ZNF536: variants seen among roughly 807,000 people sequenced by gnomAD.
ZNF536 encodes zinc finger protein 536.
A neutral mutation model predicts 84.5 loss-of-function variants in ZNF536; 13 were observed. That is an observed-to-expected ratio of 0.15 (90% CI 0.10 to 0.24). ZNF536 has a LOEUF of 0.24. Ranked by LOEUF, ZNF536 falls within the 10% of genes least tolerant of loss-of-function variation. The pLI, the probability that ZNF536 is intolerant of heterozygous loss-of-function variation, is 1.00. For synonymous variants in ZNF536, 811 were observed against 742.5 expected (o/e 1.09, Z -1.50); for missense variants, 1,536 against 1,747.5 (o/e 0.88, Z 2.16).
intron 1 of ZNF536, among the ~76,000 whole-genome samples, chr19:30,638,734 T>G (rs1300765063): frequency 6.6e-6 from 1 of 152,202 alleles, no homozygotes; most frequent in East Asian, 1.9e-4. Flanking sequence ...AGAATTTGTC[T>G]GGGCTTCTGA....
chr19:30,421,182 G>A (rs2050941039), intron 1 of ZNF536, among the ~76,000 whole-genome samples: 1 of 152,176 alleles, frequency 6.6e-6, no homozygotes, highest in Non-Finnish European at 1.5e-5. Flanking sequence ...TGCAGAGAAG[G>A]GAGAAGTCGG....
At chr19:30,285,592 C>T (rs573457106) in intron 2 of ZNF536, among the ~76,000 whole-genome samples, 22 of 152,172 alleles carry the variant, frequency 1.4e-4, no homozygotes, top group Non-Finnish European at 2.2e-4. Flanking sequence ...GAGGTATAGC[C>T]GAGCCAGTGG....
At chr19:30,549,657 G>T (rs145111625) in intron 4 of ZNF536, 143 bp downstream of exon 4, 1 of 929,042 alleles carries the variant, frequency 1.1e-6, no homozygotes, top group Non-Finnish European at 1.5e-6. Context: ...TATCTGCAAT[G>T]TAGACAATCA....
At chr19:30,396,023 G>T (rs1297747043) in intron 1 of ZNF536, among the ~76,000 whole-genome samples, 1 of 152,102 alleles carries the variant, frequency 6.6e-6, no homozygotes, top group Admixed American at 6.5e-5. Context: ...TGCACTTGGC[G>T]TACATTCTGT....
intron 2 of ZNF536, among the ~76,000 whole-genome samples, chr19:30,530,616 G>C (rs1000656877): frequency 1.3e-5 from 2 of 152,112 alleles, no homozygotes; most frequent in Admixed American, 6.5e-5. Context: ...CAAAGTTCTG[G>C]GATTACAGGT....
intron 3 of ZNF536, among the ~76,000 whole-genome samples, chr19:30,542,333 C>CT (rs1568533193): frequency 1.3e-5 from 2 of 151,936 alleles, no homozygotes; most frequent in Non-Finnish European, 2.9e-5. Context: ...AAATAGGTAC[C>CT]GTGAACTAAT....
At chr19:30,305,217 G>A (rs1223190503) in intron 2 of ZNF536, among the ~76,000 whole-genome samples, 1 of 152,188 alleles carries the variant, frequency 6.6e-6, no homozygotes, top group African/African-American at 2.4e-5. Flanking sequence ...CTCATATAGA[G>A]TTTGGGCTAG....
chr19:30,326,201 A>G (rs2047017776), intron 2 of ZNF536, among the ~76,000 whole-genome samples: 1 of 152,202 alleles, frequency 6.6e-6, no homozygotes, highest in Admixed American at 6.5e-5. Flanking sequence ...GGCTTGGCAA[A>G]GAGGGCCGTC....
At chr19:30,675,195 G>T (rs544128650) in intron 1 of ZNF536, among the ~76,000 whole-genome samples, 1 of 152,156 alleles carries the variant, frequency 6.6e-6, no homozygotes, top group African/African-American at 2.4e-5. Flanking sequence ...GGCTTTGGGG[G>T]CCATTAGACA....
At position 30,301,741 on chromosome 19, in the gene ZNF536, C is replaced by T. The variant is rs141229672; in HGVS notation, c.-120+17600C>T. 5.9e-5 allele frequency among the ~76,000 whole-genome samples: 9 copies of T among 152,108 alleles called. No individual in the cohort carries two copies. In the East Asian group the frequency reaches 1.7e-3, roughly 29 times the overall value. The stretch of plus-strand genomic sequence containing the variant: ...TTTCGATTAAATTTTTTATTATGCA[C>T]TCTGCATTTGGATTGACAACTATTA... On this transcript the variant is annotated intron_variant, in intron 2 of 5. Coordinates refer to the ZNF536 transcript ENST00000585628.
intron 1 of ZNF536, among the ~76,000 whole-genome samples, chr19:30,407,285 G>A (rs1386588504): frequency 6.6e-6 from 1 of 152,158 alleles, no homozygotes; most frequent in African/African-American, 2.4e-5. Flanking sequence ...TACATAATGA[G>A]CTGATTTCAA....
Position 30,557,405 on chromosome 19 carries a change from C to T in ZNF536, c.*241C>T, listed in dbSNP as rs917882951. 8 of 395,168 alleles carry T rather than the reference C, an allele frequency of 2.0e-5. No individual in the cohort carries two copies. The East Asian group carries it at 3.1e-4, about 15-fold the overall frequency. 24.5% of individuals were successfully genotyped at this position (395,168 alleles called of 1,614,324 possible). The stretch of plus-strand genomic sequence containing the variant: ...ATGTTCCAGTATTAGTCATGGATTG[C>T]AAAGGCTTAGTAACTTGAGCAGGAG... On this transcript the variant is annotated 3_prime_UTR_variant, in exon 5 of 5. Transcript: ENST00000355537.
At chr19:30,465,680 C>A (rs554517580) in intron 2 of ZNF536, among the ~76,000 whole-genome samples, 1 of 152,270 alleles carries the variant, frequency 6.6e-6, no homozygotes, top group South Asian at 2.1e-4. Context: ...CACTTGAGCC[C>A]AGGACTTTAA....
chr19:30,465,913 G>C (rs2148470118), intron 2 of ZNF536, among the ~76,000 whole-genome samples: 1 of 152,002 alleles, frequency 6.6e-6, no homozygotes, highest in African/African-American at 2.4e-5. Flanking sequence ...ACCACACCCA[G>C]CTAATTTTTT....
chr19:30,456,250 A>G (rs1462350741), intron 2 of ZNF536, among the ~76,000 whole-genome samples: 3 of 151,366 alleles, frequency 2.0e-5, no homozygotes, highest in Admixed American at 6.6e-5. Flanking sequence ...GAAAAACTCT[A>G]TATCTATAAA....
At chr19:30,449,111 C>G (rs934507520) in intron 2 of ZNF536, among the ~76,000 whole-genome samples, 2 of 152,162 alleles carry the variant, frequency 1.3e-5, no homozygotes, top group African/African-American at 4.8e-5. Context: ...TATTTTCTAA[C>G]AGAAAATGGA....
At position 30,384,469 on chromosome 19, in the gene ZNF536, T is replaced by C. The variant is rs562219127; in HGVS notation, c.-3+11913T>C. Among the ~76,000 whole-genome samples, 11 of 151,270 alleles carry C rather than the reference T, an allele frequency of 7.3e-5. No homozygotes were observed. In the South Asian group the frequency reaches 2.3e-3, roughly 32 times the overall value. The stretch of plus-strand genomic sequence containing the variant: ...GAAGGTGTCATGGCCAAGACCCTCT[T>C]GTGGATGCACGATCCCAGTGGGCTG... On this transcript the variant is annotated intron_variant, in intron 1 of 4. Transcript: ENST00000355537.
intron 2 of ZNF536, among the ~76,000 whole-genome samples, chr19:30,512,536 A>T (rs558052886): frequency 1.8e-4 from 27 of 152,184 alleles, no homozygotes; most frequent in South Asian, 4.2e-4. Context: ...CATTATATTT[A>T]AAAAAAATCA....
chr19:30,532,131 T>A (rs1355802470), intron 2 of ZNF536, among the ~76,000 whole-genome samples: 4 of 151,924 alleles, frequency 2.6e-5, no homozygotes, highest in South Asian at 2.1e-4. Context: ...TCTTTTTTTT[T>A]TTATTTTTCA....
Sources: gnomAD v4.1 joint callset for allele counts (sites outside exome capture counted in the v4.1 genomes callset) on GRCh38, gnomAD v4.1.1 for gene constraint, MANE v1.5 for transcripts, NCBI Gene and HGNC (gene_info 2026-07-23, HGNC 2026-07-21) for gene names.